RAP1B: variants seen among roughly 807,000 people sequenced by gnomAD.
The protein encoded by RAP1B is RAP1B, member of RAS oncogene family, also known as ras-related protein Rap-1b.
Under a neutral mutation model 27.5 loss-of-function variants are expected in RAP1B, and 1 was observed. That is an observed-to-expected ratio of 0.04 (90% CI 0.01 to 0.17). The LOEUF (loss-of-function observed/expected upper bound fraction) is 0.17, where lower values mean the gene tolerates loss of function less well. Ranked by LOEUF, RAP1B falls within the 10% of genes least tolerant of loss-of-function variation. RAP1B has a pLI of 1.00. For missense variants in RAP1B, 84 were observed against 214.8 expected (o/e 0.39, Z 3.81); for synonymous variants, 75 against 73.1 (o/e 1.03, Z -0.13).
rs374506952 is a variant in RAP1B at position 68,622,514 on chromosome 12, A to T, written c.-27+11471A>T. On this transcript the variant is annotated intron_variant, in intron 1 of 7. Coordinates refer to ENST00000250559, the MANE Select transcript of RAP1B (RefSeq NM_001010942.3). ...GCCAGCTGTACTTCTTTCTGTGACAATCTTTTGCCAGCCCTCTGCAATTCT... is the reference window on the plus strand; with the variant it reads ...GCCAGCTGTACTTCTTTCTGTGACATTCTTTTGCCAGCCCTCTGCAATTCT... Among the ~76,000 whole-genome samples, 8 of 152,116 alleles carry T rather than the reference A, an allele frequency of 5.3e-5. No individual in the cohort carries two copies. The East Asian group carries it at 7.7e-4, about 15-fold the overall frequency.
chr12:68,634,881 G>C (rs1304485360), intron 1 of RAP1B, among the ~76,000 whole-genome samples: 2 of 152,114 alleles, frequency 1.3e-5, no homozygotes, highest in African/African-American at 4.8e-5. Flanking sequence ...GAAAAAACTT[G>C]ATTTACTAGC....
intron 1 of RAP1B, among the ~76,000 whole-genome samples, chr12:68,646,909 T>C (rs1873449748): frequency 6.6e-6 from 1 of 152,232 alleles, no homozygotes; most frequent in South Asian, 2.1e-4. Flanking sequence ...ATTGTAGATT[T>C]TTTCGGATTA....
chr12:68,639,638 A>G (rs1034851103), intron 1 of RAP1B, among the ~76,000 whole-genome samples: 1 of 152,286 alleles, frequency 6.6e-6, no homozygotes, highest in Non-Finnish European at 1.5e-5. Flanking sequence ...AAAGAGGTAC[A>G]TATCCTCCTC....
intron 1 of RAP1B, among the ~76,000 whole-genome samples, chr12:68,622,927 A>G (rs1172986925): frequency 6.6e-6 from 1 of 152,200 alleles, no homozygotes; most frequent in Non-Finnish European, 1.5e-5. Context: ...GTCTGGAACT[A>G]CTGGGCTCAA....
At position 68,668,427 on chromosome 12, in the gene RAP1B, G is replaced by T. The variant is rs780796002; in HGVS notation, c.*9178G>T. On this transcript the variant is annotated 3_prime_UTR_variant, in exon 8 of 8. Transcript: ENST00000250559. The stretch of plus-strand genomic sequence containing the variant: ...AAGTGAAATTTGTCACAATTGGCTC[G>T]ACTGCTTTATCTCACTTTGAAAAAG... 2 of 152,118 alleles carry T rather than the reference G, an allele frequency of 1.3e-5. No individual in the cohort carries two copies. Among genetic ancestry groups the T allele is most frequent in the African/African-American group, 2.4e-5 (1 of 41,424 alleles). The allele number at this position is 152,118 out of a possible 1,614,324, so 9.4% of individuals were successfully genotyped here. A position where few individuals can be genotyped will look rare whatever the true frequency, so the allele number is the denominator to read the frequency against.
intron 7 of RAP1B, among the ~76,000 whole-genome samples, chr12:68,658,851 C>CTT (rs1874418228): frequency 6.6e-6 from 1 of 152,216 alleles, no homozygotes; most frequent in African/African-American, 2.4e-5. Context: ...GCATTCTATA[C>CTT]TTATGATCTA....
intron 3 of RAP1B, among the ~76,000 whole-genome samples, chr12:68,651,141 A>C (rs1437475842): frequency 6.6e-6 from 1 of 152,252 alleles, no homozygotes; most frequent in African/African-American, 2.4e-5. Flanking sequence ...TGTTCCACAC[A>C]TGGCTCAAAA....
rs1229260672 is a variant in RAP1B, at chr12:68,669,559, T to G, written c.*10310T>G. On this transcript the variant is annotated 3_prime_UTR_variant, in exon 8 of 8. Coordinates refer to ENST00000250559, the MANE Select transcript of RAP1B (RefSeq NM_001010942.3). ...GGCTCACACCTGTAATCCCAGCACTTTCGGAGGCCGAGGGGGGCGGATCAC... is the reference window on the plus strand; with the variant it reads ...GGCTCACACCTGTAATCCCAGCACTGTCGGAGGCCGAGGGGGGCGGATCAC... The G allele has an allele frequency of 6.6e-6, 1 of 152,130 alleles. No homozygotes were observed. The highest frequency in any genetic ancestry group is 1.5e-5 in the Non-Finnish European group (1 of 68,068). The allele number at this position is 152,130 out of a possible 1,614,324, so 9.4% of individuals were successfully genotyped here. A position where few individuals can be genotyped will look rare whatever the true frequency, so the allele number is the denominator to read the frequency against.
At chr12:68,613,389 TAAAAAA>T (rs34380580) in intron 1 of RAP1B, among the ~76,000 whole-genome samples, 7 of 123,368 alleles carry the variant, frequency 5.7e-5, no homozygotes, top group African/African-American at 1.5e-4. Context: ...AGACCTGTCT[TAAAAAA>T]AAAAAAAAAA....
In RAP1B at chr12:68,637,044, G is replaced by T. The variant is rs1190616973; in HGVS notation, c.-26-11655G>T. ...TCAATAATTGATGTGAACTTAAATGGCAATTTACCTATAAAAAGATAACTT... is the reference window on the plus strand; with the variant it reads ...TCAATAATTGATGTGAACTTAAATGTCAATTTACCTATAAAAAGATAACTT... On this transcript the variant is annotated intron_variant, in intron 1 of 7. Coordinates refer to ENST00000250559, the MANE Select transcript of RAP1B (RefSeq NM_001010942.3). Among the ~76,000 whole-genome samples the T allele has an allele frequency of 2.0e-5, 3 of 152,036 alleles. No individual in the cohort carries two copies. The South Asian group carries it at 6.2e-4, about 32-fold the overall frequency.
chr12:68,613,639 T>A (rs554108182), intron 1 of RAP1B, among the ~76,000 whole-genome samples: 1 of 152,322 alleles, frequency 6.6e-6, no homozygotes, highest in East Asian at 1.9e-4. Context: ...ACCAGTTAAA[T>A]GTAAGTACCA....
chr12:68,639,699 A>T (rs1354849876), intron 1 of RAP1B, among the ~76,000 whole-genome samples: 1 of 152,184 alleles, frequency 6.6e-6, no homozygotes, highest in Non-Finnish European at 1.5e-5. Flanking sequence ...CATATTGAAA[A>T]ACAGCACCTC....
At chr12:68,627,052 C>T (rs1373666682) in intron 1 of RAP1B, 2 of 1,593,494 alleles carry the variant, frequency 1.3e-6, no homozygotes, top group Non-Finnish European at 1.7e-6. Flanking sequence ...TTGAACTTGG[C>T]CCTGCGCAGG....
chr12:68,615,413 T>G (rs1051808611), intron 1 of RAP1B, among the ~76,000 whole-genome samples: 20 of 152,028 alleles, frequency 1.3e-4, no homozygotes, highest in African/African-American at 4.8e-4. Flanking sequence ...TTCTGTGATA[T>G]CAGTATACAA....
chr12:68,657,190 T>C lies in RAP1B; in HGVS notation c.*3T>C, dbSNP rs779957165. On this transcript the variant is annotated 3_prime_UTR_variant, in exon 7 of 8. Coordinates refer to ENST00000250559, the MANE Select transcript of RAP1B (RefSeq NM_001010942.3). Reference sequence around the variant, plus strand: ...AGTCATCATGTCAGCTGCTTTAATATACTAAATGCATTGTAGCTCTGAGCC... The same window carrying C: ...AGTCATCATGTCAGCTGCTTTAATACACTAAATGCATTGTAGCTCTGAGCC... The C allele has an allele frequency of 6.2e-6, 10 of 1,600,990 alleles. No individual in the cohort carries two copies. Among genetic ancestry groups the C allele is most frequent in the South Asian group, 5.5e-5 (5 of 90,676 alleles).
intron 2 of RAP1B, chr12:68,649,120 A>G (rs1341904018): frequency 5.1e-6 from 1 of 197,224 alleles, no homozygotes; most frequent in East Asian, 1.4e-4. Context: ...TTTTTGAAAC[A>G]GGGTCTCACT....
intron 1 of RAP1B, among the ~76,000 whole-genome samples, chr12:68,638,194 T>G (rs571793485): frequency 6.6e-6 from 1 of 152,328 alleles, no homozygotes; most frequent in African/African-American, 2.4e-5. Flanking sequence ...TTTTCCTTGG[T>G]AGTCACTTGT....
chr12:68,615,733 C>T (rs1045859241), intron 1 of RAP1B, among the ~76,000 whole-genome samples: 1 of 152,048 alleles, frequency 6.6e-6, no homozygotes, highest in Non-Finnish European at 1.5e-5. Context: ...CTAAAGCTTA[C>T]TTGTAATTAC....
At chr12:68,633,128 ATC>A (rs1872383967) in intron 1 of RAP1B, among the ~76,000 whole-genome samples, 1 of 152,218 alleles carries the variant, frequency 6.6e-6, no homozygotes, top group African/African-American at 2.4e-5. Flanking sequence ...GAAAAACATC[ATC>A]AGAGTTCATT....
Sources: gnomAD v4.1 joint callset for allele counts (sites outside exome capture counted in the v4.1 genomes callset) on GRCh38, gnomAD v4.1.1 for gene constraint, MANE v1.5 for transcripts, NCBI Gene and HGNC (gene_info 2026-07-23, HGNC 2026-07-21) for gene names.